DACH2: variants seen among roughly 807,000 people sequenced by gnomAD.
DACH2 encodes dachshund homolog 2.
A neutral mutation model predicts 35.8 loss-of-function variants in DACH2; 17 were observed. The observed-to-expected ratio is 0.48, with a 90% CI of 0.33 to 0.71. DACH2 has a LOEUF of 0.71. Ranked by LOEUF, DACH2 falls within the 30% of genes least tolerant of loss-of-function variation. The probability of loss-of-function intolerance (pLI) is 0.02; values close to 1 mark genes in which losing one functional copy is unlikely to be tolerated. For missense variants in DACH2, 469 were observed against 472.7 expected, an observed-to-expected ratio of 0.99 and a Z score of 0.07; for synonymous variants, 195 against 177.3, an observed-to-expected ratio of 1.10 and a Z score of -0.79.
At position 86,412,595 on chromosome X, in the gene DACH2, C is replaced by T. The variant is rs140036269; in HGVS notation, c.527+35733C>T. 3.6e-3 allele frequency among the ~76,000 whole-genome samples: 406 copies of T among 111,796 alleles called. 5 individuals carry two copies. In the East Asian group the frequency reaches 0.043, roughly 12 times the overall value. On this transcript the variant is annotated intron_variant, in intron 2 of 11. Coordinates refer to ENST00000373125, the MANE Select transcript of DACH2 (RefSeq NM_053281.3). The stretch of plus-strand genomic sequence containing the variant: ...AATTCTTTAGCCATAAAGTGAGGGC[C>T]TTGGTCAGAGGCAATGCTGTGTGGG...
intron 7 of DACH2, among the ~76,000 whole-genome samples, chrX:86,795,216 G>C (rs1228445244): frequency 2.0e-5 from 2 of 101,949 alleles, no homozygotes; most frequent in Non-Finnish European, 4.0e-5. Flanking sequence ...AGCTGTTCAG[G>C]TGATGGAAGC....
intron 3 of DACH2, among the ~76,000 whole-genome samples, chrX:86,565,892 T>C (rs1031112468): frequency 8.9e-6 from 1 of 111,881 alleles, no homozygotes; most frequent in African/African-American, 3.2e-5. Flanking sequence ...ATATTCTCAA[T>C]AGGTTAATCT....
intron 1 of DACH2, among the ~76,000 whole-genome samples, chrX:86,317,544 A>G (rs904212305): frequency 1.8e-5 from 2 of 112,520 alleles, no homozygotes; most frequent in African/African-American, 3.2e-5. Context: ...AAGTTTTAAA[A>G]GATAATTTTT....
intron 5 of DACH2, among the ~76,000 whole-genome samples, chrX:86,703,426 T>C (rs952346880): frequency 9.1e-6 from 1 of 110,471 alleles, no homozygotes; most frequent in Non-Finnish European, 1.9e-5. Flanking sequence ...GCCAGAACAA[T>C]CAGGCAAGAG....
At chrX:86,501,838 C>G (rs756364146) in intron 2 of DACH2, among the ~76,000 whole-genome samples, 8 of 111,408 alleles carry the variant, frequency 7.2e-5, no homozygotes, top group African/African-American at 9.8e-5. Flanking sequence ...GGTAACCCTG[C>G]CACCTGTTAA....
At chrX:86,827,983 G>C (rs995437729) in intron 11 of DACH2, 7 of 406,953 alleles carry the variant, frequency 1.7e-5, no homozygotes, top group Non-Finnish European at 2.5e-5. Context: ...TTAGGGGATA[G>C]TCATAATAAT....
intron 1 of DACH2, among the ~76,000 whole-genome samples, chrX:86,333,478 G>C: frequency 9.0e-6 from 1 of 111,439 alleles, no homozygotes; most frequent in Non-Finnish European, 1.9e-5. Flanking sequence ...TGGTCATTTA[G>C]TTTGAACTGG....
intron 2 of DACH2, among the ~76,000 whole-genome samples, chrX:86,395,491 C>A (rs903979021): frequency 3.6e-5 from 4 of 110,984 alleles, no homozygotes; most frequent in Non-Finnish European, 5.7e-5. Flanking sequence ...CACCCATTAA[C>A]TCATCATTTA....
chrX:86,632,533 A>T (rs906023516), intron 3 of DACH2, among the ~76,000 whole-genome samples: 3 of 102,988 alleles, frequency 2.9e-5, no homozygotes, highest in Non-Finnish European at 5.9e-5. Flanking sequence ...CACACGGGTT[A>T]TTTTTCAAAC....
chrX:86,815,965 G>A, intron 10 of DACH2, 69 bp from the exon 11 acceptor site: 1 of 911,429 alleles, frequency 1.1e-6, no homozygotes, highest in Non-Finnish European at 1.5e-6. Flanking sequence ...TGGCTTACTG[G>A]AGTTTTCCCT....
intron 2 of DACH2, among the ~76,000 whole-genome samples, chrX:86,411,136 C>T (rs981841457): frequency 5.1e-4 from 52 of 102,318 alleles, no homozygotes; most frequent in Non-Finnish European, 7.9e-4. Context: ...GAGAGCCAGT[C>T]CAAGTCCCAA....
Position 86,316,552 on chromosome X carries a change from A to G in DACH2, c.489-60272A>G, listed in dbSNP as rs150979446. Among the ~76,000 whole-genome samples, 389 of 111,475 alleles carry G rather than the reference A, an allele frequency of 3.5e-3. 3 individuals are homozygous for G. Among genetic ancestry groups the G allele is most frequent in the African/African-American group, 0.012 (375 of 30,661 alleles). The stretch of plus-strand genomic sequence containing the variant: ...TCTTTTCACTTGAACTGTCTACCCA[A>G]ATAATTTCTTTCTATCTTCTACAAC... On this transcript the variant is annotated intron_variant, in intron 1 of 11. Transcript: ENST00000373125.
At chrX:86,522,010 TATAAAG>T (rs1482414084) in intron 3 of DACH2, among the ~76,000 whole-genome samples, 2 of 111,953 alleles carry the variant, frequency 1.8e-5, no homozygotes, top group African/African-American at 3.2e-5. Flanking sequence ...ATTTGCATAC[TATAAAG>T]ATAAAGTCTT....
chrX:86,530,924 T>G (rs1467477627), intron 3 of DACH2, among the ~76,000 whole-genome samples: 3 of 111,757 alleles, frequency 2.7e-5, no homozygotes, highest in Admixed American at 1.9e-4. Context: ...GAGAAACTTC[T>G]TGGGAACTGG....
chrX:86,309,536 C>T (rs1252284858), intron 1 of DACH2, among the ~76,000 whole-genome samples: 1 of 111,869 alleles, frequency 8.9e-6, no homozygotes, highest in African/African-American at 3.3e-5. Context: ...AGATATCACA[C>T]TGGTCCATTA....
rs1414203218 is a variant in DACH2, at chrX:86,691,199, G to A, written c.773-3822G>A. Among the ~76,000 whole-genome samples the A allele has an allele frequency of 2.7e-5, 3 of 111,325 alleles. No homozygotes were observed. The East Asian group carries it at 8.5e-4, about 31-fold the overall frequency. The stretch of plus-strand genomic sequence containing the variant: ...CACAAAGCTAGTATGGTCTGGTTCT[G>A]ACAAATGTGCATACTTTAGTGTTAT... On this transcript the variant is annotated intron_variant, in intron 4 of 11. Coordinates refer to ENST00000373125, the MANE Select transcript of DACH2 (RefSeq NM_053281.3).
In DACH2 at chrX:86,637,952, C is replaced by T. The variant is rs954903488; in HGVS notation, c.641-13084C>T. On this transcript the variant is annotated intron_variant, in intron 3 of 11. Coordinates refer to ENST00000373125, the MANE Select transcript of DACH2 (RefSeq NM_053281.3). ...GGAACCAAAAAGGAGCCTGAATAGC[C>T]AAGGCAATCCTAAGCAAAAAGAACA... Among the ~76,000 whole-genome samples, 4 of 111,591 alleles carry T rather than the reference C, an allele frequency of 3.6e-5. 1 individual carries two copies. Among genetic ancestry groups the T allele is most frequent in the Middle Eastern group, 8.5e-3 (2 of 234 alleles).
At chrX:86,504,604 T>A (rs147551955) in intron 2 of DACH2, among the ~76,000 whole-genome samples, 3,722 of 110,846 alleles carry the variant, frequency 0.034, 174 homozygotes, top group African/African-American at 0.12. Flanking sequence ...AACATTCACA[T>A]TGTTGTACAA....
chrX:86,667,305 AGAAGGAAGGAAG>A (rs746792252), intron 4 of DACH2, among the ~76,000 whole-genome samples: 139 of 33,932 alleles, frequency 4.1e-3, no homozygotes, highest in East Asian at 0.018. Flanking sequence ...AAGGAAGGAA[AGAAGGAAGGAAG>A]GAAGGAAGGA....
Sources: allele counts gnomAD v4.1 joint callset (sites outside exome capture counted in the v4.1 genomes callset), GRCh38; gene constraint gnomAD v4.1.1; transcripts MANE v1.5; gene names NCBI Gene and HGNC (gene_info 2026-07-23, HGNC 2026-07-21).